Variants in PTPRD observed in about 807,000 individuals in gnomAD.
PTPRD encodes the protein protein tyrosine phosphatase receptor type D, also known as receptor-type tyrosine-protein phosphatase delta.
In PTPRD, 34 loss-of-function variants were observed where a neutral mutation model predicts 214.5. That is an observed-to-expected ratio of 0.16 (90% CI 0.12 to 0.21). The LOEUF (loss-of-function observed/expected upper bound fraction) is 0.21. Among genes scored for constraint, PTPRD ranks in the 10% least tolerant of loss-of-function variants. The probability of loss-of-function intolerance (pLI) is 1.00; values close to 1 mark genes in which losing one functional copy is unlikely to be tolerated. For synonymous variants in PTPRD, 1,128 were observed against 845.7 expected (o/e 1.33, Z -5.79); for missense variants, 2,545 against 2,398.7 (o/e 1.06, Z -1.27).
chr9:9,243,722 A>C (rs2099971557), intron 9 of PTPRD, among the ~76,000 whole-genome samples: 1 of 152,296 alleles, frequency 6.6e-6, no homozygotes, highest in South Asian at 2.1e-4. Context: ...CCCCTTGAAA[A>C]CTGGCACAAG....
intron 3 of PTPRD, among the ~76,000 whole-genome samples, chr9:10,335,136 A>G (rs1051979319): frequency 6.6e-6 from 1 of 151,720 alleles, no homozygotes; most frequent in African/African-American, 2.4e-5. Context: ...CCAAGCCAAT[A>G]TAGAAGGAGA....
chr9:8,847,839 A>G (rs185743720), intron 11 of PTPRD, among the ~76,000 whole-genome samples: 1 of 152,348 alleles, frequency 6.6e-6, no homozygotes, highest in East Asian at 1.9e-4. Context: ...AGAAGACATT[A>G]TAATTAACAA....
At chr9:8,857,333 C>T (rs186741152) in intron 11 of PTPRD, among the ~76,000 whole-genome samples, 8 of 152,258 alleles carry the variant, frequency 5.3e-5, no homozygotes, top group African/African-American at 1.4e-4. Flanking sequence ...CTACGCCCAC[C>T]CTAGGAGGAG....
intron 3 of PTPRD, among the ~76,000 whole-genome samples, chr9:10,318,957 T>C (rs984240318): frequency 5.9e-5 from 9 of 152,088 alleles, no homozygotes; most frequent in African/African-American, 2.2e-4. Flanking sequence ...CTGAGAGCTA[T>C]CAGCCAGGAA....
intron 10 of PTPRD, among the ~76,000 whole-genome samples, chr9:9,106,097 C>T (rs576369396): frequency 2.2e-4 from 34 of 152,222 alleles, no homozygotes; most frequent in African/African-American, 5.8e-4. Flanking sequence ...ACAACTACAA[C>T]ATAGCAAGAG....
At chr9:8,886,784 G>T (rs562812703) in intron 11 of PTPRD, among the ~76,000 whole-genome samples, 4 of 152,250 alleles carry the variant, frequency 2.6e-5, no homozygotes, top group Non-Finnish European at 5.9e-5. Context: ...TTGCTAATGT[G>T]CTGGTGGTTA....
At chr9:8,449,880 A>T (rs1180644461) in intron 33 of PTPRD, 43 bp from the exon 34 acceptor site, 8 of 1,582,236 alleles carry the variant, frequency 5.1e-6, no homozygotes, top group Non-Finnish European at 6.1e-6. Flanking sequence ...AGAAAAATCA[A>T]TTGAAACAGA....
intron 7 of PTPRD, among the ~76,000 whole-genome samples, chr9:9,647,638 C>A (rs575550725): frequency 3.9e-5 from 6 of 152,270 alleles, no homozygotes; most frequent in African/African-American, 1.4e-4. Context: ...AGCCTGTTTT[C>A]CCTTTGACTC....
At chr9:9,999,936 G>T (rs1352386607) in intron 4 of PTPRD, among the ~76,000 whole-genome samples, 1 of 152,162 alleles carries the variant, frequency 6.6e-6, no homozygotes, top group East Asian at 1.9e-4. Flanking sequence ...GTTGTTTAGA[G>T]AAAGAATGTT....
intron 3 of PTPRD, among the ~76,000 whole-genome samples, chr9:10,099,972 C>T (rs960401979): frequency 1.3e-5 from 2 of 151,670 alleles, no homozygotes; most frequent in Admixed American, 1.3e-4. Flanking sequence ...ATTCATCCAG[C>T]ATATATAAAC....
intron 14 of PTPRD, among the ~76,000 whole-genome samples, chr9:8,560,427 A>G (rs927119955): frequency 7.2e-6 from 1 of 139,352 alleles, no homozygotes; most frequent in Non-Finnish European, 1.5e-5. Context: ...GTACCAACTT[A>G]AAAAAAAATA....
intron 7 of PTPRD, among the ~76,000 whole-genome samples, chr9:9,711,315 T>C (rs570819875): frequency 4.6e-5 from 7 of 152,144 alleles, no homozygotes; most frequent in African/African-American, 7.2e-5. Context: ...TTTCCTAATA[T>C]GTTGTTTCAC....
At chr9:9,965,210 A>G (rs1452479503) in intron 4 of PTPRD, among the ~76,000 whole-genome samples, 2 of 152,142 alleles carry the variant, frequency 1.3e-5, no homozygotes, top group African/African-American at 4.8e-5. Context: ...TAGAATCATG[A>G]AAAATAAACT....
At chr9:10,054,320 G>A (rs560892809) in intron 3 of PTPRD, among the ~76,000 whole-genome samples, 141 of 152,172 alleles carry the variant, frequency 9.3e-4, no homozygotes, top group African/African-American at 3.2e-3. Flanking sequence ...AATTTTATGC[G>A]TCTCTCATTC....
At chr9:10,419,170 T>C (rs1565913713) in intron 2 of PTPRD, among the ~76,000 whole-genome samples, 1 of 151,936 alleles carries the variant, frequency 6.6e-6, no homozygotes. Context: ...AAATCACTAA[T>C]GACTTTCATG....
intron 7 of PTPRD, among the ~76,000 whole-genome samples, chr9:9,631,222 T>TAAATA (rs1231904436): frequency 5.1e-4 from 57 of 111,676 alleles, no homozygotes; most frequent in African/African-American, 1.7e-3. Flanking sequence ...AATAAATAAA[T>TAAATA]AAAAAGAAAA....
intron 40 of PTPRD, 69 bp from the exon 41 acceptor site, chr9:8,341,337 G>A (rs1398337986): frequency 1.4e-6 from 2 of 1,447,112 alleles, no homozygotes; most frequent in Non-Finnish European, 1.9e-6. Flanking sequence ...TTTGAATGCA[G>A]TGTACCCCAG....
At chr9:10,324,851 A>T (rs1047121232) in intron 3 of PTPRD, among the ~76,000 whole-genome samples, 2 of 152,022 alleles carry the variant, frequency 1.3e-5, no homozygotes, top group Non-Finnish European at 2.9e-5. Flanking sequence ...ATGTTCTCAA[A>T]GTTTTGGAAC....
chr9:10,199,637 T>A (rs190718968), intron 3 of PTPRD, among the ~76,000 whole-genome samples: 3 of 152,168 alleles, frequency 2.0e-5, no homozygotes, highest in African/African-American at 7.2e-5. Context: ...ATTTCTCAGA[T>A]GTGGATAATA....
Sources: gnomAD v4.1 joint callset for allele counts (sites outside exome capture counted in the v4.1 genomes callset) on GRCh38, gnomAD v4.1.1 for gene constraint, MANE v1.5 for transcripts, NCBI Gene and HGNC (gene_info 2026-07-23, HGNC 2026-07-21) for gene names.